PRDM5: variants seen among roughly 807,000 people sequenced by gnomAD.
PRDM5 encodes the protein PR/SET domain 5.
Under a neutral mutation model 81.2 loss-of-function variants are expected in PRDM5, and 56 were observed. The observed-to-expected ratio is 0.69, with a 90% CI of 0.56 to 0.86. The LOEUF (loss-of-function observed/expected upper bound fraction) is 0.86, where lower values mean the gene tolerates loss of function less well. PRDM5 is among the 40% of genes least tolerant of loss of function. The probability of loss-of-function intolerance (pLI) is 0.00; values close to 1 mark genes in which losing one functional copy is unlikely to be tolerated. For missense variants in PRDM5, 697 were observed against 770.1 expected, an observed-to-expected ratio of 0.91 and a Z score of 1.12; for synonymous variants, 267 against 256.4, an observed-to-expected ratio of 1.04 and a Z score of -0.39.
chr4:120,774,991 T>TACAC (rs1747938685), intron 13 of PRDM5, among the ~76,000 whole-genome samples: 3 of 149,110 alleles, frequency 2.0e-5, no homozygotes, highest in African/African-American at 7.3e-5. Flanking sequence ...TGTATATGTG[T>TACAC]ATATATATAT....
intron 9 of PRDM5, among the ~76,000 whole-genome samples, 187 bp from the exon 10 acceptor site, chr4:120,798,611 G>A (rs1751676132): frequency 6.6e-6 from 1 of 152,136 alleles, no homozygotes; most frequent in South Asian, 2.1e-4. Context: ...ATATGAGCTT[G>A]TTCTCTTACA....
intron 3 of PRDM5, among the ~76,000 whole-genome samples, chr4:120,824,971 TTTTA>T (rs1755769867): frequency 6.6e-6 from 1 of 152,098 alleles, no homozygotes. Context: ...AATTAATTTA[TTTTA>T]TTTATTACTT....
intron 2 of PRDM5, among the ~76,000 whole-genome samples, chr4:120,900,046 G>A (rs1237749410): frequency 1.3e-5 from 2 of 152,130 alleles, no homozygotes; most frequent in Non-Finnish European, 2.9e-5. Flanking sequence ...TATAAAAGAA[G>A]GGACGCAAAG....
chr4:120,737,264 G>A (rs2149098743), intron 14 of PRDM5, among the ~76,000 whole-genome samples: 1 of 152,314 alleles, frequency 6.6e-6, no homozygotes, highest in African/African-American at 2.4e-5. Flanking sequence ...GTACATCAAT[G>A]CAGAGCATCA....
intron 8 of PRDM5, among the ~76,000 whole-genome samples, chr4:120,808,764 T>G (rs1459377786): frequency 6.6e-6 from 1 of 151,720 alleles, no homozygotes; most frequent in Non-Finnish European, 1.5e-5. Flanking sequence ...TACAGGGAGG[T>G]AGCTAAGGCC....
intron 14 of PRDM5, among the ~76,000 whole-genome samples, chr4:120,745,438 T>G (rs1322787907): frequency 6.8e-6 from 1 of 147,634 alleles, no homozygotes; most frequent in Non-Finnish European, 1.5e-5. Context: ...CCAGGGCAGT[T>G]AGGCAGGAGA....
chr4:120,813,977 CA>C (rs1158900731), intron 7 of PRDM5, among the ~76,000 whole-genome samples: 1 of 152,210 alleles, frequency 6.6e-6, no homozygotes, highest in Non-Finnish European at 1.5e-5. Context: ...GGGTATACAT[CA>C]AACCCTCATC....
chr4:120,821,043 A>G, intron 4 of PRDM5, 128 bp downstream of exon 4: 1 of 1,135,924 alleles, frequency 8.8e-7, no homozygotes, highest in South Asian at 1.2e-5. Context: ...CCTCGAGAAT[A>G]ATTTTGACAA....
At chr4:120,838,524 CT>C in intron 3 of PRDM5, 1 of 152,274 alleles carries the variant, frequency 6.6e-6, no homozygotes, top group Middle Eastern at 3.4e-3. Flanking sequence ...AGTGCCCAAC[CT>C]TTTTGGCATC....
intron 15 of PRDM5, among the ~76,000 whole-genome samples, chr4:120,698,268 C>A (rs1025097249): frequency 6.6e-6 from 1 of 152,196 alleles, no homozygotes; most frequent in Non-Finnish European, 1.5e-5. Flanking sequence ...CAAATCCTGG[C>A]ACTTTTGAGC....
chr4:120,911,272 T>G (rs1285978275), intron 1 of PRDM5, among the ~76,000 whole-genome samples: 3 of 152,204 alleles, frequency 2.0e-5, no homozygotes, highest in Non-Finnish European at 2.9e-5. Flanking sequence ...ATAACTCAAA[T>G]TTGTGTGTGA....
intron 3 of PRDM5, chr4:120,838,953 A>G: frequency 2.0e-6 from 1 of 503,348 alleles, no homozygotes; most frequent in South Asian, 2.9e-5. Context: ...CTGCTGCAGA[A>G]GGGTGGGCAG....
intron 14 of PRDM5, among the ~76,000 whole-genome samples, chr4:120,728,664 A>G (rs1739798473): frequency 6.6e-6 from 1 of 151,990 alleles, no homozygotes; most frequent in African/African-American, 2.4e-5. Flanking sequence ...AGCAACATCT[A>G]CCCCGCCCCC....
At chr4:120,877,849 A>T (rs1052946623) in intron 2 of PRDM5, among the ~76,000 whole-genome samples, 9 of 152,158 alleles carry the variant, frequency 5.9e-5, no homozygotes, top group African/African-American at 2.2e-4. Context: ...CTTTCAGCCA[A>T]CTTCGTGTTT....
chr4:120,715,772 C>T (rs894741748), intron 14 of PRDM5, among the ~76,000 whole-genome samples: 1 of 152,174 alleles, frequency 6.6e-6, no homozygotes, highest in Non-Finnish European at 1.5e-5. Flanking sequence ...GGCATGGCAC[C>T]ATGGCAGCTG....
intron 2 of PRDM5, among the ~76,000 whole-genome samples, chr4:120,862,910 G>A (rs1453383916): frequency 1.3e-5 from 2 of 151,850 alleles, no homozygotes; most frequent in East Asian, 1.9e-4. Flanking sequence ...TGTAATCTCC[G>A]CACTTTGAGA....
chr4:120,695,987 G>A (rs563333970), intron 15 of PRDM5, among the ~76,000 whole-genome samples: 4 of 152,130 alleles, frequency 2.6e-5, no homozygotes, highest in Non-Finnish European at 5.9e-5. Flanking sequence ...GAAATGGCTT[G>A]TAAAAATACT....
intron 10 of PRDM5, 48 bp from the exon 11 acceptor site, chr4:120,785,139 A>C: frequency 7.2e-7 from 1 of 1,390,038 alleles, no homozygotes; most frequent in Non-Finnish European, 1.0e-6. Context: ...TCAACCAGTC[A>C]TTACAATGAA....
At chr4:120,870,678 G>A (rs1761692630) in intron 2 of PRDM5, among the ~76,000 whole-genome samples, 1 of 152,216 alleles carries the variant, frequency 6.6e-6, no homozygotes. Flanking sequence ...AAAGAGTCAA[G>A]TGTGAGGCAG....
Sources: gnomAD v4.1 joint callset for allele counts (sites outside exome capture counted in the v4.1 genomes callset) on GRCh38, gnomAD v4.1.1 for gene constraint, MANE v1.5 for transcripts, NCBI Gene and HGNC (gene_info 2026-07-23, HGNC 2026-07-21) for gene names.